Variants in ARHGAP24 observed in about 807,000 individuals in gnomAD.
ARHGAP24 encodes rho GTPase-activating protein 24.
ARHGAP24 carries 50 observed loss-of-function variants against 76.4 expected under a neutral mutation model. That is an observed-to-expected ratio of 0.65 (90% CI 0.52 to 0.83). ARHGAP24 has a LOEUF of 0.83. Ranked by LOEUF, ARHGAP24 falls within the 40% of genes least tolerant of loss-of-function variation. ARHGAP24 has a pLI of 0.00. For missense variants in ARHGAP24, 930 were observed against 914.2 expected, an observed-to-expected ratio of 1.02 and a Z score of -0.22; for synonymous variants, 345 against 323.3, an observed-to-expected ratio of 1.07 and a Z score of -0.72.
Position 85,995,114 on chromosome 4 carries a change from T to G in ARHGAP24, c.1460T>G (p.Leu487Trp), listed in dbSNP as rs1396910495. ...VQNGTVRMGI[L>W]NSDTLGNPTN... is the part of the protein sequence containing the mutation. ...AATGGAACGGTGCGCATGGGCATTTTGAACAGCGACACACTCGGGAACCCC... is the reference window on the plus strand; with the variant it reads ...AATGGAACGGTGCGCATGGGCATTTGGAACAGCGACACACTCGGGAACCCC... Residue 487 changes from leucine (L) to tryptophan (W), a missense_variant, in exon 9 of 10, where the codon TTG becomes TGG. Coordinates refer to ENST00000395184, the MANE Select transcript of ARHGAP24 (RefSeq NM_001025616.3). 3.7e-6 allele frequency: 6 copies of G among 1,614,038 alleles called. No individual in the cohort carries two copies. Among genetic ancestry groups the G allele is most frequent in the Non-Finnish European group, 1.7e-6 (2 of 1,180,014 alleles).
intron 1 of ARHGAP24, among the ~76,000 whole-genome samples, chr4:85,512,196 T>A (rs564780037): frequency 1.3e-5 from 2 of 152,360 alleles, no homozygotes; most frequent in East Asian, 3.9e-4. Context: ...AGTAACTATG[T>A]GACCTTTGTC....
chr4:85,549,684 G>A (rs1426974940), intron 1 of ARHGAP24, among the ~76,000 whole-genome samples: 2 of 152,038 alleles, frequency 1.3e-5, no homozygotes, highest in East Asian at 1.9e-4. Flanking sequence ...CAGGAGTTTC[G>A]TGTACAGATT....
intron 3 of ARHGAP24, among the ~76,000 whole-genome samples, chr4:85,901,163 T>C (rs1379283098): frequency 2.0e-5 from 3 of 152,190 alleles, no homozygotes; most frequent in Non-Finnish European, 4.4e-5. Context: ...TCTCCTTCAC[T>C]TCACTCATAC....
At chr4:85,942,488 CA>C in intron 5 of ARHGAP24, 1 of 537,778 alleles carries the variant, frequency 1.9e-6, no homozygotes, top group South Asian at 2.7e-5. Context: ...CATCTTAAAA[CA>C]TTTTTTTTGT....
At chr4:85,953,901 G>A (rs1044901720) in intron 5 of ARHGAP24, among the ~76,000 whole-genome samples, 1 of 152,076 alleles carries the variant, frequency 6.6e-6, no homozygotes, top group African/African-American at 2.4e-5. Context: ...AAATAAGCCC[G>A]TCCTCCAAGG....
intron 2 of ARHGAP24, among the ~76,000 whole-genome samples, chr4:85,636,678 C>T (rs1031010864): frequency 6.6e-6 from 1 of 151,940 alleles, no homozygotes; most frequent in Admixed American, 6.6e-5. Context: ...GTGGAAATAA[C>T]ACAATTTGGA....
At chr4:85,546,272 A>G (rs1725917891) in intron 1 of ARHGAP24, among the ~76,000 whole-genome samples, 1 of 152,174 alleles carries the variant, frequency 6.6e-6, no homozygotes, top group African/African-American at 2.4e-5. Context: ...AGCAAAGAGA[A>G]CAACATATAC....
intron 2 of ARHGAP24, among the ~76,000 whole-genome samples, chr4:85,608,827 T>G (rs976754753): frequency 6.6e-6 from 1 of 152,104 alleles, no homozygotes; most frequent in Non-Finnish European, 1.5e-5. Context: ...CCCAAAGTGT[T>G]GGGATTACAG....
At chr4:85,721,082 T>C (rs745790501) in intron 2 of ARHGAP24, among the ~76,000 whole-genome samples, 28 of 152,088 alleles carry the variant, frequency 1.8e-4, no homozygotes, top group South Asian at 2.1e-4. Context: ...AATGATCCAC[T>C]AAAGAGAGAA....
intron 2 of ARHGAP24, among the ~76,000 whole-genome samples, chr4:85,677,676 A>G (rs928339990): frequency 6.6e-6 from 1 of 152,242 alleles, no homozygotes; most frequent in African/African-American, 2.4e-5. Context: ...TGTCATGTGT[A>G]CACCTAGTCT....
chr4:85,992,115 A>G (rs1156921389), intron 8 of ARHGAP24: 1 of 397,694 alleles, frequency 2.5e-6, no homozygotes, highest in Non-Finnish European at 4.4e-6. Context: ...GCTGGTGATT[A>G]TAACCAGTCT....
intron 1 of ARHGAP24, among the ~76,000 whole-genome samples, chr4:85,515,061 C>T (rs905691719): frequency 2.0e-5 from 3 of 151,854 alleles, no homozygotes; most frequent in South Asian, 2.1e-4. Flanking sequence ...TGAGAGAGTA[C>T]GTAGAATATT....
intron 3 of ARHGAP24, among the ~76,000 whole-genome samples, chr4:85,858,323 T>A (rs1228536075): frequency 6.6e-6 from 1 of 152,156 alleles, no homozygotes; most frequent in Non-Finnish European, 1.5e-5. Flanking sequence ...AGTGTTTTAT[T>A]TGGTTGACAT....
chr4:85,862,908 T>C (rs1399634600), intron 3 of ARHGAP24, among the ~76,000 whole-genome samples: 1 of 152,208 alleles, frequency 6.6e-6, no homozygotes, highest in Non-Finnish European at 1.5e-5. Context: ...CATCAGCACT[T>C]GGAGTATCGC....
intron 2 of ARHGAP24, among the ~76,000 whole-genome samples, chr4:85,634,848 T>C (rs1444464902): frequency 6.6e-6 from 1 of 151,856 alleles, no homozygotes. Context: ...AAAAAGAATA[T>C]TCTCTTTTCC....
At chr4:85,829,980 G>A (rs1729907973) in intron 3 of ARHGAP24, among the ~76,000 whole-genome samples, 1 of 152,176 alleles carries the variant, frequency 6.6e-6, no homozygotes, top group African/African-American at 2.4e-5. Flanking sequence ...GAGAATTTAG[G>A]TACTGACCTC....
intron 2 of ARHGAP24, among the ~76,000 whole-genome samples, chr4:85,631,406 T>C (rs748604327): frequency 6.6e-6 from 1 of 152,116 alleles, no homozygotes; most frequent in Non-Finnish European, 1.5e-5. Context: ...TATACATCAA[T>C]GTTGTTAGAT....
intron 3 of ARHGAP24, among the ~76,000 whole-genome samples, chr4:85,758,071 A>T (rs570672973): frequency 2.0e-5 from 3 of 152,146 alleles, no homozygotes; most frequent in East Asian, 3.9e-4. Flanking sequence ...GGGAAAAAAA[A>T]GCCTAATGGT....
chr4:85,672,582 A>G (rs1472074950), intron 2 of ARHGAP24, among the ~76,000 whole-genome samples: 1 of 152,162 alleles, frequency 6.6e-6, no homozygotes, highest in Non-Finnish European at 1.5e-5. Flanking sequence ...ATTACTCTTC[A>G]TCAGCAGGCA....
Sources: gnomAD v4.1 joint callset for allele counts (sites outside exome capture counted in the v4.1 genomes callset) on GRCh38, gnomAD v4.1.1 for gene constraint, MANE v1.5 for transcripts, NCBI Gene and HGNC (gene_info 2026-07-23, HGNC 2026-07-21) for gene names.